Variants in KIF5A observed in about 807,000 individuals in gnomAD.
KIF5A encodes the protein kinesin heavy chain isoform 5A.
In KIF5A, 35 loss-of-function variants were observed where a neutral mutation model predicts 141.3. That is an observed-to-expected ratio of 0.25 (90% CI 0.19 to 0.33). The LOEUF (loss-of-function observed/expected upper bound fraction) is 0.33, where lower values mean the gene tolerates loss of function less well. Among genes scored for constraint, KIF5A ranks in the 10% least tolerant of loss-of-function variants. The pLI, the probability that KIF5A is intolerant of heterozygous loss-of-function variation, is 1.00. For missense variants in KIF5A, 861 were observed against 1,314.3 expected, an observed-to-expected ratio of 0.66 and a Z score of 5.33; for synonymous variants, 448 against 500.2, an observed-to-expected ratio of 0.90 and a Z score of 1.39.
intron 5 of KIF5A, 87 bp from the exon 6 acceptor site, chr12:57,564,831 A>T: frequency 7.8e-7 from 1 of 1,290,110 alleles, no homozygotes; most frequent in Non-Finnish European, 1.1e-6. Context: ...AGCACAGAGA[A>T]GAAAACCACC....
rs969699971 is a variant in KIF5A at position 57,550,612 on chromosome 12, G to C, written c.129+212G>C. On this transcript the variant is annotated intron_variant, in intron 1 of 28. Transcript: ENST00000455537. The surrounding 1 kb of genome is among the most constrained non-coding windows in gnomAD (Gnocchi z 4.6). Reference sequence around the variant, plus strand: ...GCCGAGTCTCTGCAGAGTGGCAGGGGGCTGCTTTCCTACCTTCGGGAGATC... The same window carrying C: ...GCCGAGTCTCTGCAGAGTGGCAGGGCGCTGCTTTCCTACCTTCGGGAGATC... 1.3e-5 allele frequency among the ~76,000 whole-genome samples: 2 copies of C among 152,196 alleles called. No individual in the cohort carries two copies. Among genetic ancestry groups the C allele is most frequent in the Non-Finnish European group, 1.5e-5 (1 of 68,026 alleles).
chr12:57,558,517 T>C (rs1000309861), intron 1 of KIF5A, among the ~76,000 whole-genome samples: 4 of 151,914 alleles, frequency 2.6e-5, no homozygotes, highest in Admixed American at 2.0e-4. Flanking sequence ...CTACTAAAAA[T>C]ACAGAAATTA....
chr12:57,571,997 C>A, intron 13 of KIF5A, 64 bp from the exon 14 acceptor site: 1 of 1,437,998 alleles, frequency 7.0e-7, no homozygotes. Context: ...GCTTCCCAGA[C>A]CCAAGGCCAT....
At chr12:57,583,295 G>T in intron 28 of KIF5A, 80 bp downstream of exon 28, 1 of 785,696 alleles carries the variant, frequency 1.3e-6, no homozygotes. Flanking sequence ...TCCTGCTGCT[G>T]CTTCTTTTTT....
chr12:57,565,110 T>G lies in KIF5A; in HGVS notation c.501+137T>G, dbSNP rs959023479. The stretch of plus-strand genomic sequence containing the variant: ...AGATGTGCCTAGGGGCCAGGGAGAG[T>G]CTAGGGGATCAGAAAAGATACTGTC... On this transcript the variant is annotated intron_variant, in intron 6 of 28. Transcript: ENST00000455537. 11 of 777,064 alleles carry G rather than the reference T, an allele frequency of 1.4e-5. No homozygotes were observed. In the Admixed American group the frequency reaches 2.2e-4, roughly 16 times the overall value. 48.1% of individuals were successfully genotyped at this position (777,064 alleles called of 1,614,324 possible).
At chr12:57,560,809 C>G (rs1881887118) in intron 1 of KIF5A, among the ~76,000 whole-genome samples, 1 of 151,842 alleles carries the variant, frequency 6.6e-6, no homozygotes, top group Admixed American at 6.6e-5. Flanking sequence ...TGAGACCAGC[C>G]CAGGCAACAT....
At chr12:57,562,261 G>A (rs1881929380) in intron 1 of KIF5A, among the ~76,000 whole-genome samples, 1 of 152,172 alleles carries the variant, frequency 6.6e-6, no homozygotes, top group Admixed American at 6.5e-5. Flanking sequence ...TGTCCCCCAG[G>A]CTGGAGTGCA....
intron 1 of KIF5A, among the ~76,000 whole-genome samples, chr12:57,554,551 T>C (rs1881674787): frequency 6.6e-6 from 1 of 152,244 alleles, no homozygotes; most frequent in African/African-American, 2.4e-5. Flanking sequence ...AATATCTATG[T>C]TTAGTCAACA....
At chr12:57,567,437 C>G in intron 7 of KIF5A, 57 bp from the exon 8 acceptor site, 1 of 1,606,848 alleles carries the variant, frequency 6.2e-7, no homozygotes, top group Non-Finnish European at 8.5e-7. Context: ...AAGCCGGGGG[C>G]TGAGGACCTC....
intron 26 of KIF5A, among the ~76,000 whole-genome samples, chr12:57,582,320 A>G (rs1436727997): frequency 6.6e-6 from 1 of 152,132 alleles, no homozygotes; most frequent in African/African-American, 2.4e-5. Flanking sequence ...AGCACTGCCC[A>G]GCCCTTTAGG....
In KIF5A at chr12:57,567,623, G is replaced by T; in HGVS notation, c.714+5G>T. The T allele has an allele frequency of 6.2e-7, 1 of 1,612,300 alleles. No individual in the cohort carries two copies. The highest frequency in any genetic ancestry group is 1.1e-5 in the South Asian group (1 of 90,910). ...GACCTGGCAGGGAGTGAGAAGGTAG[G>T]GGGTCCTGTGGATATGGGGTGGGTG... On this transcript the variant is annotated splice_donor_5th_base_variant and intron_variant, in intron 8 of 28. Transcript: ENST00000455537.
intron 1 of KIF5A, among the ~76,000 whole-genome samples, chr12:57,559,966 A>G (rs955029973): frequency 1.3e-5 from 2 of 152,178 alleles, no homozygotes; most frequent in African/African-American, 2.4e-5. Context: ...ATCTCGGCTC[A>G]CTGCAACCTC....
Position 57,578,321 on chromosome 12 carries a change from G to T in KIF5A, c.2517G>T (p.Gln839His). Residue 839 changes from glutamine (Q) to histidine (H), a missense_variant, in exon 23 of 29, where the codon CAG (glutamine) becomes CAT (histidine). Around this residue, in one of 5 missense-constraint regions of KIF5A, gnomAD observed 482 missense variants for 661.3 expected, o/e 0.73. Transcript: ENST00000455537. ...KISFLENNLEQLTKVHKQLVR... is the reference protein window; with the variant it reads ...KISFLENNLEHLTKVHKQLVR... ...CCTTTCTTGAGAACAACCTGGAACA[G>T]CTTACAAAGGTTCACAAACAGGTAA... The T allele has an allele frequency of 6.2e-7, 1 of 1,613,658 alleles. No homozygotes were observed. The highest frequency in any genetic ancestry group is 8.5e-7 in the Non-Finnish European group (1 of 1,179,564).
At position 57,576,825 on chromosome 12, in the gene KIF5A, G is replaced by A. The variant is rs387907286; in HGVS notation, c.2263G>A (p.Glu755Lys). Reference protein sequence around the residue: ...LQADYEKLKSEEHEKSTKLQE... With the variant: ...LQADYEKLKSKEHEKSTKLQE... ...GGCTGACTACGAGAAGCTGAAGAGC[G>A]AAGAACACGAGAAGAGCACCAAGCT... Residue 755 changes from glutamate (E) to lysine (K), a missense_variant, in exon 20 of 29, where the codon GAA becomes AAA. Transcript: ENST00000455537. 1.2e-5 allele frequency: 19 copies of A among 1,613,762 alleles called. No individual in the cohort carries two copies. The highest frequency in any genetic ancestry group is 6.7e-5 in the African/African-American group (5 of 74,932).
At chr12:57,571,896 G>T (rs1882266175) in intron 13 of KIF5A, among the ~76,000 whole-genome samples, 165 bp from the exon 14 acceptor site, 1 of 152,144 alleles carries the variant, frequency 6.6e-6, no homozygotes, top group Non-Finnish European at 1.5e-5. Flanking sequence ...AAGTCTGGGG[G>T]CTTCTTCATT....
chr12:57,551,535 G>T (rs1270694113), intron 1 of KIF5A, among the ~76,000 whole-genome samples: 1 of 152,190 alleles, frequency 6.6e-6, no homozygotes, highest in East Asian at 1.9e-4. Flanking sequence ...TGTGTGTGGG[G>T]AGAAAAGATC....
chr12:57,553,358 C>CCATT, intron 1 of KIF5A, among the ~76,000 whole-genome samples: 1 of 152,288 alleles, frequency 6.6e-6, no homozygotes, highest in East Asian at 1.9e-4. Context: ...GAAACTAGGA[C>CCATT]CATTGTGTAC....
rs953001626 is a variant in KIF5A, at chr12:57,578,338, A to C, written c.2534A>C (p.Lys845Thr). ...NNLEQLTKVH[K>T]QLVRDNADLR... ...CTGGAACAGCTTACAAAGGTTCACA[A>C]ACAGGTAAGAGTCTGCTGAAGGAGT... The change falls in exon 23 of 29, where the codon AAA (lysine) becomes ACA (threonine). Residue 845 changes from lysine (K) to threonine (T), a missense_variant. Around this residue, in one of 5 missense-constraint regions of KIF5A, gnomAD observed 482 missense variants for 661.3 expected, o/e 0.73. Coordinates refer to ENST00000455537, the MANE Select transcript of KIF5A (RefSeq NM_004984.4). 6.2e-7 allele frequency: 1 copy of C among 1,610,900 alleles called. No homozygotes were observed. The highest frequency in any genetic ancestry group is 1.3e-5 in the African/African-American group (1 of 74,862).
At chr12:57,575,489 G>A (rs1882393067) in intron 16 of KIF5A, 151 bp from the exon 17 acceptor site, 1 of 875,710 alleles carries the variant, frequency 1.1e-6, no homozygotes, top group Non-Finnish European at 1.9e-6. Context: ...GCTAAAGGAA[G>A]AGCCCCATAG....
Sources: allele counts gnomAD v4.1 joint callset (sites outside exome capture counted in the v4.1 genomes callset), GRCh38; gene constraint gnomAD v4.1.1; regional missense constraint gnomAD v4.1.1; non-coding constraint Gnocchi (gnomAD v3.1); transcripts MANE v1.5; gene names NCBI Gene and HGNC (gene_info 2026-07-23, HGNC 2026-07-21).